Variants in COBLL1 observed in about 807,000 individuals in gnomAD.
COBLL1 encodes cordon-bleu protein-like 1.
In COBLL1, 50 loss-of-function variants were observed where a neutral mutation model predicts 94.8. The ratio of observed to expected loss-of-function variants is 0.53; its 90% confidence interval spans 0.42 to 0.67. COBLL1 has a LOEUF of 0.67. Ranked by LOEUF, COBLL1 falls within the 30% of genes least tolerant of loss-of-function variation. The probability of loss-of-function intolerance (pLI) is 0.00; values close to 1 mark genes in which losing one functional copy is unlikely to be tolerated. For synonymous variants in COBLL1, 448 were observed against 473.8 expected, an observed-to-expected ratio of 0.95 and a Z score of 0.71; for missense variants, 1,362 against 1,348.7, an observed-to-expected ratio of 1.01 and a Z score of -0.15.
intron 2 of COBLL1, among the ~76,000 whole-genome samples, chr2:164,831,056 C>A (rs1440653712): frequency 2.6e-5 from 4 of 152,196 alleles, no homozygotes; most frequent in Admixed American, 2.6e-4. Context: ...GGCACAGTGG[C>A]TCATGCCTAT....
downstream of COBLL1, among the ~76,000 whole-genome samples, chr2:164,679,295 C>T (rs1331105108): frequency 6.6e-6 from 1 of 152,070 alleles, no homozygotes; most frequent in African/African-American, 2.4e-5. Context: ...AGCCATCCAT[C>T]AGGTTTCAAA....
chr2:164,768,486 C>T (rs1688046257), intron 2 of COBLL1, among the ~76,000 whole-genome samples: 1 of 151,788 alleles, frequency 6.6e-6, no homozygotes, highest in African/African-American at 2.4e-5. Flanking sequence ...TCTTTTTCTT[C>T]CAATGTGGCC....
intron 2 of COBLL1, among the ~76,000 whole-genome samples, chr2:164,811,884 T>A (rs1209532065): frequency 6.6e-6 from 1 of 151,962 alleles, no homozygotes; most frequent in Non-Finnish European, 1.5e-5. Flanking sequence ...CCTAAATTCA[T>A]AATCCTCTGT....
intron 7 of COBLL1, among the ~76,000 whole-genome samples, chr2:164,707,784 G>A (rs1332167030): frequency 6.6e-6 from 1 of 152,044 alleles, no homozygotes; most frequent in Non-Finnish European, 1.5e-5. Flanking sequence ...TAAAGCTTGG[G>A]GCATTCTAGT....
chr2:164,794,009 T>C (rs1449750329), intron 2 of COBLL1, among the ~76,000 whole-genome samples: 1 of 152,178 alleles, frequency 6.6e-6, no homozygotes, highest in African/African-American at 2.4e-5. Context: ...TCATCATAAT[T>C]AGAACCCCCT....
chr2:164,686,670 A>G (rs888824943), intron 13 of COBLL1, among the ~76,000 whole-genome samples: 2 of 152,172 alleles, frequency 1.3e-5, no homozygotes, highest in Non-Finnish European at 2.9e-5. Flanking sequence ...TTCACAAACT[A>G]TAAGTGAATA....
chr2:164,748,875 C>G (rs1206119774), intron 2 of COBLL1, among the ~76,000 whole-genome samples: 2 of 152,080 alleles, frequency 1.3e-5, no homozygotes, highest in African/African-American at 2.4e-5. Context: ...TTAAAATTAT[C>G]TCAATATTAT....
chr2:164,827,149 A>C (rs1447774645), intron 2 of COBLL1, among the ~76,000 whole-genome samples: 1 of 152,024 alleles, frequency 6.6e-6, no homozygotes, highest in Non-Finnish European at 1.5e-5. Context: ...GGGATTCCCC[A>C]TGCTGGCCAG....
intron 2 of COBLL1, among the ~76,000 whole-genome samples, chr2:164,772,946 C>A (rs988469932): frequency 1.5e-5 from 2 of 137,794 alleles, no homozygotes; most frequent in South Asian, 2.3e-4. Flanking sequence ...AGAATGTCCA[C>A]GAGCAACTTC....
At chr2:164,817,842 T>A (rs1478673787) in intron 2 of COBLL1, among the ~76,000 whole-genome samples, 1 of 152,166 alleles carries the variant, frequency 6.6e-6, no homozygotes, top group African/African-American at 2.4e-5. Context: ...ATCACTGGGC[T>A]ATTTCTATCT....
At chr2:164,771,669 C>T (rs1164004306) in intron 2 of COBLL1, among the ~76,000 whole-genome samples, 7 of 151,924 alleles carry the variant, frequency 4.6e-5, no homozygotes, top group African/African-American at 7.2e-5. Flanking sequence ...TTAGAAAGCA[C>T]GAGTTTCTAA....
chr2:164,764,869 C>T (rs1396676443), intron 2 of COBLL1, among the ~76,000 whole-genome samples: 1 of 152,140 alleles, frequency 6.6e-6, no homozygotes, highest in Non-Finnish European at 1.5e-5. Context: ...TAGGACATCT[C>T]TTAGTACCCT....
chr2:164,704,563 TA>T, intron 8 of COBLL1, 45 bp from the exon 9 acceptor site: 1 of 1,437,870 alleles, frequency 7.0e-7, no homozygotes, highest in African/African-American at 1.4e-5. Flanking sequence ...TATTCACAAA[TA>T]AAACAATTCC....
At chr2:164,835,172 C>T (rs80318686) in intron 2 of COBLL1, among the ~76,000 whole-genome samples, 3,106 of 152,152 alleles carry the variant, frequency 0.02, 112 homozygotes, top group African/African-American at 0.071. Flanking sequence ...TAACAACACA[C>T]CCAAAAGAAC....
chr2:164,829,907 C>G (rs113945186), intron 2 of COBLL1, among the ~76,000 whole-genome samples: 137 of 152,260 alleles, frequency 9.0e-4, no homozygotes, highest in African/African-American at 3.1e-3. Flanking sequence ...ATGGTCTCCT[C>G]CTTTTCTTGC....
At chr2:164,803,306 C>T (rs1163897543) in intron 2 of COBLL1, among the ~76,000 whole-genome samples, 1 of 152,142 alleles carries the variant, frequency 6.6e-6, no homozygotes, top group Non-Finnish European at 1.5e-5. Context: ...TGGCTCACGC[C>T]TGTAATCCCA....
At chr2:164,805,887 AG>A (rs2105330158) in intron 2 of COBLL1, among the ~76,000 whole-genome samples, 1 of 152,326 alleles carries the variant, frequency 6.6e-6, no homozygotes, top group Non-Finnish European at 1.5e-5. Flanking sequence ...GAACGTGTTT[AG>A]TTTTGTAAGA....
intron 5 of COBLL1, chr2:164,727,170 G>A: frequency 2.2e-6 from 3 of 1,373,234 alleles, no homozygotes; most frequent in Non-Finnish European, 3.0e-6. Flanking sequence ...TATAAAAGAG[G>A]GTAAATTGAC....
chr2:164,670,621 A>C (rs1490188957), intron 1 of COBLL1, among the ~76,000 whole-genome samples: 3 of 152,226 alleles, frequency 2.0e-5, no homozygotes, highest in African/African-American at 7.2e-5. Context: ...CAAAAATATA[A>C]CATGTGCAGA....
Sources: gnomAD v4.1 joint callset for allele counts (sites outside exome capture counted in the v4.1 genomes callset) on GRCh38, gnomAD v4.1.1 for gene constraint, MANE v1.5 for transcripts, NCBI Gene and HGNC (gene_info 2026-07-23, HGNC 2026-07-21) for gene names.